Variants in DNASE1L3 observed in about 807,000 individuals in gnomAD.
DNASE1L3 encodes the protein deoxyribonuclease gamma.
Under a neutral mutation model 30.9 loss-of-function variants are expected in DNASE1L3, and 27 were observed. The observed-to-expected ratio is 0.87, with a 90% CI of 0.64 to 1.20. The LOEUF is 1.20. DNASE1L3 is among the 50% of genes most tolerant of loss of function. The pLI is 0.00. For synonymous variants in DNASE1L3, 135 were observed against 138.0 expected, an observed-to-expected ratio of 0.98 and a Z score of 0.15; for missense variants, 364 against 378.2, an observed-to-expected ratio of 0.96 and a Z score of 0.31.
intron 4 of DNASE1L3, among the ~76,000 whole-genome samples, chr3:58,202,744 T>C (rs900173067): frequency 1.3e-5 from 2 of 151,784 alleles, no homozygotes; most frequent in African/African-American, 4.8e-5. Context: ...TCCCAGCTAC[T>C]TGGGAGACTG....
chr3:58,203,638 A>T (rs2097402165), intron 4 of DNASE1L3, among the ~76,000 whole-genome samples: 1 of 152,090 alleles, frequency 6.6e-6, no homozygotes, highest in Non-Finnish European at 1.5e-5. Context: ...CTCGCTATTT[A>T]AAAATTTTAA....
intron 2 of DNASE1L3, 50 bp downstream of exon 2, chr3:58,208,168 C>T (rs144394678): frequency 2.3e-5 from 36 of 1,570,170 alleles, no homozygotes; most frequent in Middle Eastern, 1.7e-4. Context: ...TTTTCAGATG[C>T]CCTTGCACTT....
At chr3:58,195,161 G>C (rs2107367570) in intron 6 of DNASE1L3, among the ~76,000 whole-genome samples, 1 of 152,344 alleles carries the variant, frequency 6.6e-6, no homozygotes, top group Non-Finnish European at 1.5e-5. Flanking sequence ...CAGCACATGA[G>C]AGGTGTTTGA....
rs746868593 is a variant in DNASE1L3 at position 58,205,549 on chromosome 3, C to G, written c.242G>C (p.Arg81Thr). 8 of 1,613,618 alleles carry G rather than the reference C, an allele frequency of 5.0e-6. No homozygotes were observed. The highest frequency in any genetic ancestry group is 1.7e-5 in the Admixed American group (1 of 60,004). Residue 81 changes from arginine (R) to threonine (T), a missense_variant, in exon 3 of 8, where the codon AGA becomes ACA. Arg to Thr is a moderately conservative substitution (Grantham distance 71, BLOSUM62 -1). Coordinates refer to ENST00000394549, the MANE Select transcript of DNASE1L3 (RefSeq NM_004944.4). ...LMEKLNRNSRRGITYNYVISS... is the reference protein window; with the variant it reads ...LMEKLNRNSRTGITYNYVISS... ...AATCACATAGTTGTACGTTATGCCT[C>G]TCCTTGAATTTCTAGAAAACAAAGA...
At chr3:58,205,792 T>C (rs1002680944) in intron 2 of DNASE1L3, among the ~76,000 whole-genome samples, 9 of 152,234 alleles carry the variant, frequency 5.9e-5, no homozygotes, top group Non-Finnish European at 8.8e-5. Context: ...GTGTTATCAT[T>C]ACCCCCTTTC....
At chr3:58,209,767 AGG>A in intron 1 of DNASE1L3, among the ~76,000 whole-genome samples, 1 of 152,152 alleles carries the variant, frequency 6.6e-6, no homozygotes. Flanking sequence ...CTGGTGGTTC[AGG>A]GAGGGGCAGG....
rs538363667 is a variant in DNASE1L3 at position 58,197,690 on chromosome 3, C to A, written c.704+131G>T. ...CTGGTCTCAAACTCCTGTACTCAAG[C>A]GATCCATCCATCGAGGCCTCCCAAA... On this transcript the variant is annotated intron_variant, in intron 6 of 7. Transcript: ENST00000394549. This position sits in a 1 kb window ranked among gnomAD's most constrained non-coding sequence, Gnocchi z 5.3. 39 of 1,227,170 alleles carry A rather than the reference C, an allele frequency of 3.2e-5. No homozygotes were observed. In the Admixed American group the frequency reaches 4.7e-4, roughly 15 times the overall value. The allele number at this position is 1,227,170 out of a possible 1,614,324, so 76.0% of individuals were successfully genotyped here. A position where few individuals can be genotyped will look rare whatever the true frequency, so the allele number is the denominator to read the frequency against.
In DNASE1L3 at chr3:58,197,874, G is replaced by A. The variant is rs768188569; in HGVS notation, c.651C>T (p.Ile217=). 51 of 1,614,008 alleles carry A rather than the reference G, an allele frequency of 3.2e-5. No homozygotes were observed. The highest frequency in any genetic ancestry group is 2.7e-4 in the East Asian group (12 of 44,902). ...TCACCGTGGTGTCCTCTTGGTCCCC[G>A]ATCAGCCAAACAAACCTGGGGTCAG... ...LRTDPRFVWL[I]GDQEDTTVKK... Residue 217 remains isoleucine, a synonymous_variant, in exon 6 of 8, where the codon ATC becomes ATT. Coordinates refer to ENST00000394549, the MANE Select transcript of DNASE1L3 (RefSeq NM_004944.4). This position sits in a 1 kb window ranked among gnomAD's most constrained non-coding sequence, Gnocchi z 5.3.
intron 4 of DNASE1L3, among the ~76,000 whole-genome samples, chr3:58,202,086 T>G (rs2097401008): frequency 6.6e-6 from 1 of 152,096 alleles, no homozygotes; most frequent in Non-Finnish European, 1.5e-5. Context: ...CTTTCTTTTT[T>G]TAATTGACAG....
At chr3:58,204,712 T>C (rs1259395714) in intron 4 of DNASE1L3, 57 bp downstream of exon 4, 1 of 1,470,770 alleles carries the variant, frequency 6.8e-7, no homozygotes, top group East Asian at 2.3e-5. Flanking sequence ...TCAAGGCTGC[T>C]GCGCATTCAT....
Position 58,200,888 on chromosome 3 carries a change from G to A in DNASE1L3, c.546+109C>T. 12 of 764,972 alleles carry A rather than the reference G, an allele frequency of 1.6e-5. No homozygotes were observed. The South Asian group carries it at 2.5e-4, about 16-fold the overall frequency. 47.4% of individuals were successfully genotyped at this position (764,972 alleles called of 1,614,324 possible). On this transcript the variant is annotated intron_variant, in intron 5 of 7. Transcript: ENST00000394549. This position sits in a 1 kb window ranked among gnomAD's most constrained non-coding sequence, Gnocchi z 4.2. ...TTAAAGAATGCTGTAAGTGGTGGTA[G>A]CCTGCACATGCCCTTCCTCCTCCCC...
chr3:58,201,783 T>C (rs1159421040), intron 4 of DNASE1L3, among the ~76,000 whole-genome samples: 2 of 152,258 alleles, frequency 1.3e-5, no homozygotes, highest in Non-Finnish European at 2.9e-5. Flanking sequence ...AGGGACAAGC[T>C]GAGTAAAGGA....
chr3:58,194,549 A>T lies in DNASE1L3; in HGVS notation c.705-1110T>A, dbSNP rs181204323. Among the ~76,000 whole-genome samples the T allele has an allele frequency of 4.1e-4, 61 of 148,478 alleles. 1 individual carries two copies. The East Asian group carries it at 8.8e-3, about 21-fold the overall frequency. ...TGGCCAGGCTGGTCTTGAACTCGTGACCTTAGGTGATCCGCCCACCTCAAC... is the reference window on the plus strand; with the variant it reads ...TGGCCAGGCTGGTCTTGAACTCGTGTCCTTAGGTGATCCGCCCACCTCAAC... On this transcript the variant is annotated intron_variant, in intron 6 of 7. Transcript: ENST00000394549.
At position 58,210,893 on chromosome 3, in the gene DNASE1L3, A is replaced by G; in HGVS notation, c.14T>C (p.Leu5Pro). Residue 5 changes from leucine (L) to proline (P), a missense_variant, in exon 1 of 8, where the codon CTG becomes CCG. Physicochemically the swap from Leu to Pro is moderately conservative, Grantham distance 98. Coordinates refer to ENST00000394549, the MANE Select transcript of DNASE1L3 (RefSeq NM_004944.4). Reference sequence around the variant, plus strand: ...GAGGAGGAGAAGCAGCAGTGGGGCCAGCTCCCGTGACATCCTGGCGCTGCT... The same window carrying G: ...GAGGAGGAGAAGCAGCAGTGGGGCCGGCTCCCGTGACATCCTGGCGCTGCT... MSRE[L>P]APLLLLLLSI... The G allele has an allele frequency of 6.2e-7, 1 of 1,613,926 alleles. No individual in the cohort carries two copies. The highest frequency in any genetic ancestry group is 8.5e-7 in the Non-Finnish European group (1 of 1,180,006).
In DNASE1L3 at chr3:58,205,556, A is replaced by C; in HGVS notation, c.235T>G (p.Ser79Ala). 1 of 1,613,274 alleles carries C rather than the reference A, an allele frequency of 6.2e-7. No homozygotes were observed. Among genetic ancestry groups the C allele is most frequent in the African/African-American group, 1.3e-5 (1 of 75,054 alleles). ...TAGTTGTACGTTATGCCTCTCCTTG[A>C]ATTTCTAGAAAACAAAGATTTAACA... ...PILMEKLNRN[S>A]RRGITYNYVI... Residue 79 changes from serine (S) to alanine (A), a missense_variant, in exon 3 of 8, where the codon TCA (serine) becomes GCA (alanine). Coordinates refer to ENST00000394549, the MANE Select transcript of DNASE1L3 (RefSeq NM_004944.4).
At chr3:58,193,162 C>T (rs995696933) in intron 7 of DNASE1L3, 181 bp downstream of exon 7, 130 of 1,439,098 alleles carry the variant, frequency 9.0e-5, no homozygotes, top group South Asian at 4.1e-4. Flanking sequence ...CTGCAACCTC[C>T]GCTTCCTGGA....
intron 1 of DNASE1L3, among the ~76,000 whole-genome samples, chr3:58,209,511 C>T (rs2097406284): frequency 6.6e-6 from 1 of 152,228 alleles, no homozygotes; most frequent in African/African-American, 2.4e-5. Context: ...ACAACACCAT[C>T]TAGAAGGCCT....
chr3:58,193,767 T>C (rs577154037), intron 6 of DNASE1L3, among the ~76,000 whole-genome samples: 20 of 152,330 alleles, frequency 1.3e-4, no homozygotes, highest in African/African-American at 4.3e-4. Context: ...CTGTTCCTTT[T>C]TCAATTATTT....
At chr3:58,204,690 A>G in intron 4 of DNASE1L3, 79 bp downstream of exon 4, 1 of 1,213,488 alleles carries the variant, frequency 8.2e-7, no homozygotes, top group Non-Finnish European at 1.2e-6. Context: ...TGCCTCCTTA[A>G]TGGGCTCATG....
Sources: gnomAD v4.1 joint callset for allele counts (sites outside exome capture counted in the v4.1 genomes callset) on GRCh38, gnomAD v4.1.1 for gene constraint, Gnocchi (gnomAD v3.1) non-coding constraint, MANE v1.5 for transcripts, NCBI Gene and HGNC (gene_info 2026-07-23, HGNC 2026-07-21) for gene names.